Variants in SMARCA2 observed in about 807,000 individuals in gnomAD.
SMARCA2 encodes the protein SWI/SNF related BAF chromatin remodeling complex subunit ATPase 2.
Under a neutral mutation model 199.8 loss-of-function variants are expected in SMARCA2, and 61 were observed. The ratio of observed to expected loss-of-function variants is 0.31; its 90% confidence interval spans 0.25 to 0.38. The LOEUF (loss-of-function observed/expected upper bound fraction) is 0.38, where lower values mean the gene tolerates loss of function less well. Among genes scored for constraint, SMARCA2 ranks in the 10% least tolerant of loss-of-function variants. The probability of loss-of-function intolerance (pLI) is 1.00; values close to 1 mark genes in which losing one functional copy is unlikely to be tolerated. For missense variants in SMARCA2, 1,344 were observed against 2,012.2 expected (o/e 0.67, Z 6.35); for synonymous variants, 935 against 732.0 (o/e 1.28, Z -4.48).
rs1423390673 is a variant in SMARCA2 at position 2,039,033 on chromosome 9, T to C, written c.356-433T>C. 1.3e-5 allele frequency among the ~76,000 whole-genome samples: 2 copies of C among 152,206 alleles called. No homozygotes were observed. Among genetic ancestry groups the C allele is most frequent in the African/African-American group, 4.8e-5 (2 of 41,454 alleles). ...CAACAACCACTAACGGTTTACCTTC[T>C]AGGACACATGTAGCTATTGATCACT... On this transcript the variant is annotated intron_variant, in intron 3 of 33. Transcript: ENST00000349721. The surrounding 1 kb of genome is among the most constrained non-coding windows in gnomAD (Gnocchi z 4.8).
intron 27 of SMARCA2, among the ~76,000 whole-genome samples, chr9:2,146,469 G>T (rs1016425983): frequency 4.6e-5 from 7 of 152,122 alleles, no homozygotes; most frequent in Non-Finnish European, 7.3e-5. Context: ...TTGGATCGGG[G>T]GTTTCCTAGG....
At chr9:2,040,019 A>T in intron 4 of SMARCA2, 119 bp downstream of exon 4, 1 of 1,509,500 alleles carries the variant, frequency 6.6e-7, no homozygotes. Context: ...GTTATACCTC[A>T]CTGGCTCTCT....
intron 27 of SMARCA2, among the ~76,000 whole-genome samples, chr9:2,127,029 G>A (rs1823726735): frequency 6.6e-6 from 1 of 152,190 alleles, no homozygotes. Flanking sequence ...CTCATGTTCA[G>A]TCTGGATTGA....
chr9:2,158,496 T>C (rs2130743860), intron 27 of SMARCA2: 1 of 155,806 alleles, frequency 6.4e-6, no homozygotes, highest in African/African-American at 2.4e-5. Flanking sequence ...GGGAGCCGTC[T>C]GTATGTTGAA....
At chr9:2,018,397 T>C (rs577787550) in intron 1 of SMARCA2, among the ~76,000 whole-genome samples, 6 of 152,348 alleles carry the variant, frequency 3.9e-5, no homozygotes, top group African/African-American at 1.2e-4. Flanking sequence ...GTTGGTGCTT[T>C]GGAAAAAGCA....
At chr9:2,035,920 C>T (rs1819310465) in intron 3 of SMARCA2, among the ~76,000 whole-genome samples, 2 of 152,024 alleles carry the variant, frequency 1.3e-5, no homozygotes, top group East Asian at 1.9e-4. Flanking sequence ...GGTAATAGCA[C>T]GTGTCTTTAA....
chr9:2,075,935 A>C (rs1821305004), intron 12 of SMARCA2, among the ~76,000 whole-genome samples: 1 of 152,244 alleles, frequency 6.6e-6, no homozygotes, highest in Non-Finnish European at 1.5e-5. Context: ...TGATAACCAA[A>C]TAATGATAAA....
At chr9:2,189,830 A>C (rs1827754339) in intron 32 of SMARCA2, among the ~76,000 whole-genome samples, 2 of 152,194 alleles carry the variant, frequency 1.3e-5, no homozygotes, top group Non-Finnish European at 2.9e-5. Context: ...CTCTTCTGTT[A>C]GCTTATGTTT....
At chr9:2,076,390 C>G in intron 13 of SMARCA2, 61 bp downstream of exon 13, 4 of 1,113,432 alleles carry the variant, frequency 3.6e-6, no homozygotes, top group Non-Finnish European at 5.5e-6. Context: ...AATGAATTTT[C>G]TTTTAGGAAA....
chr9:2,067,296 A>T (rs1341518145), intron 9 of SMARCA2, among the ~76,000 whole-genome samples: 1 of 152,244 alleles, frequency 6.6e-6, no homozygotes, highest in Non-Finnish European at 1.5e-5. Context: ...GCTTTCATTC[A>T]TTCCTTCAAT....
At chr9:2,106,147 T>G (rs1052120127) in intron 23 of SMARCA2, among the ~76,000 whole-genome samples, 1 of 152,358 alleles carries the variant, frequency 6.6e-6, no homozygotes, top group Non-Finnish European at 1.5e-5. Flanking sequence ...TCAACCAGTG[T>G]GCCATTATGA....
At position 2,169,353 on chromosome 9, in the gene SMARCA2, T is replaced by C. The variant is rs913395855; in HGVS notation, c.4200-1066T>C. Among the ~76,000 whole-genome samples, 16 of 152,336 alleles carry C rather than the reference T, an allele frequency of 1.1e-4. 2 individuals carry two copies. In the South Asian group the frequency reaches 1.7e-3, roughly 16 times the overall value. ...AGCGGCCCCGTTGCCTACCCGATGA[T>C]GACCAGACTTCTTAGCGTAGGAGAA... is the stretch of plus-strand genomic sequence containing the variant. On this transcript the variant is annotated intron_variant, in intron 28 of 33. Transcript: ENST00000349721. This position sits in a 1 kb window ranked among gnomAD's most constrained non-coding sequence, Gnocchi z 6.5.
chr9:2,136,922 C>T (rs183630501), intron 27 of SMARCA2, among the ~76,000 whole-genome samples: 1 of 152,204 alleles, frequency 6.6e-6, no homozygotes, highest in Admixed American at 6.5e-5. Flanking sequence ...TGCAATTTTC[C>T]CTTCCACCAT....
At chr9:2,071,385 C>G (rs1821080179) in intron 10 of SMARCA2, among the ~76,000 whole-genome samples, 1 of 152,200 alleles carries the variant, frequency 6.6e-6, no homozygotes, top group East Asian at 1.9e-4. Flanking sequence ...TGGGCTGTTA[C>G]TGGTTAAGAA....
At chr9:2,185,192 C>G (rs1352471409) in intron 31 of SMARCA2, among the ~76,000 whole-genome samples, 6 of 152,118 alleles carry the variant, frequency 3.9e-5, no homozygotes, top group Non-Finnish European at 8.8e-5. Context: ...ATCTCCTTCC[C>G]CCAGCCCCTG....
At position 2,058,353 on chromosome 9, in the gene SMARCA2, C is replaced by G; in HGVS notation, c.1410C>G (p.Ala470=). The G allele has an allele frequency of 6.2e-7, 1 of 1,614,068 alleles. No homozygotes were observed. The highest frequency in any genetic ancestry group is 8.5e-7 in the Non-Finnish European group (1 of 1,179,972). The change falls in exon 8 of 34, where the codon GCC becomes GCG. Residue 470 remains alanine, a synonymous_variant. Transcript: ENST00000349721. ...KDFKEYHRSV[A]GKIQKLSKAV... ...TTAAGGAATATCATCGGTCTGTGGCCGGAAAGATCCAGAAGCTCTCCAAAG... is the reference window on the plus strand; with the variant it reads ...TTAAGGAATATCATCGGTCTGTGGCGGGAAAGATCCAGAAGCTCTCCAAAG...
At chr9:2,186,070 T>C (rs1827428984) in intron 31 of SMARCA2, 26 bp from the exon 32 acceptor site, 3 of 1,610,072 alleles carry the variant, frequency 1.9e-6, no homozygotes, top group African/African-American at 1.3e-5. Context: ...CTTGCAGTTT[T>C]AACAGATGCC....
chr9:2,150,852 G>T (rs79106151), intron 27 of SMARCA2, among the ~76,000 whole-genome samples: 1 of 151,364 alleles, frequency 6.6e-6, no homozygotes. Flanking sequence ...TACCTCCTTG[G>T]TGTATGTATG....
At chr9:2,094,599 C>G (rs1014195718) in intron 19 of SMARCA2, among the ~76,000 whole-genome samples, 7 of 152,198 alleles carry the variant, frequency 4.6e-5, no homozygotes, top group African/African-American at 1.7e-4. Flanking sequence ...CTCAGTCGTC[C>G]TAACGTGGAG....
Sources: allele counts gnomAD v4.1 joint callset (sites outside exome capture counted in the v4.1 genomes callset), GRCh38; gene constraint gnomAD v4.1.1; non-coding constraint Gnocchi (gnomAD v3.1); transcripts MANE v1.5; gene names NCBI Gene and HGNC (gene_info 2026-07-23, HGNC 2026-07-21).